TXNDC5: variants seen among roughly 807,000 people sequenced by gnomAD.
The protein encoded by TXNDC5 is thioredoxin domain containing 5.
In TXNDC5, 44 loss-of-function variants were observed where a neutral mutation model predicts 52.6. The observed-to-expected ratio is 0.84, with a 90% CI of 0.66 to 1.08. The LOEUF (loss-of-function observed/expected upper bound fraction) is 1.08. Among genes scored for constraint, TXNDC5 ranks in the 50% least tolerant of loss-of-function variants. The probability of loss-of-function intolerance (pLI) is 0.00; values close to 1 mark genes in which losing one functional copy is unlikely to be tolerated. For missense variants in TXNDC5, 600 were observed against 565.5 expected (o/e 1.06, Z -0.62); for synonymous variants, 241 against 234.4 (o/e 1.03, Z -0.26).
rs1394793156 is a variant in TXNDC5 at position 7,884,405 on chromosome 6, G to A, written c.1130C>T (p.Ala377Val). ...CCGTTCAGCAGTGCAGTCTACTTCG[G>A]CGATCTTGACCCCCGCCAGACCAGG... ...EFPGLAGVKIAEVDCTAERNI... is the reference protein window; with the variant it reads ...EFPGLAGVKIVEVDCTAERNI... Residue 377 changes from alanine (A) to valine (V), a missense_variant, in exon 9 of 10, where the codon GCC (alanine) becomes GTC (valine). Transcript: ENST00000379757. 22 of 1,613,978 alleles carry A rather than the reference G, an allele frequency of 1.4e-5. No homozygotes were observed. Among genetic ancestry groups the A allele is most frequent in the Non-Finnish European group, 1.9e-5 (22 of 1,180,014 alleles).
In TXNDC5 at chr6:7,881,526, AAAAG is replaced by A. The variant is rs916043781; in HGVS notation, c.*1614_*1617del. The A allele has an allele frequency of 8.5e-5, 13 of 152,418 alleles. No homozygotes were observed. Among genetic ancestry groups the A allele is most frequent in the African/African-American group, 1.4e-4 (6 of 41,458 alleles). 9.4% of individuals were successfully genotyped at this position (152,418 alleles called of 1,614,324 possible). A position where few individuals can be genotyped will look rare whatever the true frequency, so the allele number is the denominator to read the frequency against. ...GAAGGAAAGACCAGACTTTTAAAAAAAAAGAGTTTATTTAGAAAGTATCATAGTG... is the reference window on the plus strand; with the variant it reads ...GAAGGAAAGACCAGACTTTTAAAAAAAGTTTATTTAGAAAGTATCATAGTG... On this transcript the variant is annotated 3_prime_UTR_variant, in exon 10 of 10. Transcript: ENST00000379757.
chr6:7,886,393 A>G (rs940013252), intron 7 of TXNDC5, among the ~76,000 whole-genome samples: 1 of 152,108 alleles, frequency 6.6e-6, no homozygotes, highest in Non-Finnish European at 1.5e-5. Context: ...TGGACCAGGC[A>G]GCCCTGGGTG....
chr6:7,896,596 T>A (rs1760376381), intron 3 of TXNDC5, among the ~76,000 whole-genome samples: 1 of 152,250 alleles, frequency 6.6e-6, no homozygotes, highest in African/African-American at 2.4e-5. Flanking sequence ...GTTTCCCTTC[T>A]GCTGCCAGCG....
In TXNDC5 at chr6:7,889,540, C is replaced by G. The variant is rs1267223806; in HGVS notation, c.774G>C (p.Gln258His). 6.2e-7 allele frequency: 1 copy of G among 1,613,580 alleles called. No homozygotes were observed. The highest frequency in any genetic ancestry group is 2.2e-5 in the East Asian group (1 of 44,874). ...TQHYELCSGN[Q>H]VRGYPTLLWF... ...AGAGAAGAGTGGGATAGCCACGAAC[C>G]TGGTTTCCGGAGCAGAGTTCATAGT... is the stretch of plus-strand genomic sequence containing the variant. The change falls in exon 6 of 10, where the codon CAG becomes CAC. Residue 258 changes from glutamine to histidine, a missense_variant. Transcript: ENST00000379757.
At chr6:7,896,084 T>C (rs898155061) in intron 3 of TXNDC5, among the ~76,000 whole-genome samples, 1 of 152,120 alleles carries the variant, frequency 6.6e-6, no homozygotes, top group African/African-American at 2.4e-5. Context: ...ATCCTTACTT[T>C]ACACAAATGA....
intron 7 of TXNDC5, 32 bp from the exon 8 acceptor site, chr6:7,886,075 A>T (rs373718362): frequency 6.3e-7 from 1 of 1,597,704 alleles, no homozygotes; most frequent in Non-Finnish European, 8.6e-7. Context: ...CAGTTCAAGT[A>T]CATCCCTTAA....
chr6:7,883,008 C>T lies in TXNDC5; in HGVS notation c.*136G>A, dbSNP rs1174578246. 3 of 1,195,462 alleles carry T rather than the reference C, an allele frequency of 2.5e-6. No individual in the cohort carries two copies. The highest frequency in any genetic ancestry group is 3.1e-5 in the African/African-American group (2 of 65,058). 74.1% of individuals were successfully genotyped at this position (1,195,462 alleles called of 1,614,324 possible). A position where few individuals can be genotyped will look rare whatever the true frequency, so the allele number is the denominator to read the frequency against. On this transcript the variant is annotated 3_prime_UTR_variant, in exon 10 of 10. Transcript: ENST00000379757. The stretch of plus-strand genomic sequence containing the variant: ...TGTGTTGGCTTGGAAAACACACACA[C>T]AAAGAAGATACCTCACGCTTAGTAT...
At chr6:7,891,077 A>G (rs931087534) in intron 5 of TXNDC5, among the ~76,000 whole-genome samples, 1 of 152,364 alleles carries the variant, frequency 6.6e-6, no homozygotes. Flanking sequence ...GTAGAAGAAT[A>G]AAAGTGATGT....
intron 1 of TXNDC5, among the ~76,000 whole-genome samples, chr6:7,905,841 A>G (rs1433885053): frequency 2.0e-5 from 3 of 152,208 alleles, no homozygotes; most frequent in African/African-American, 7.2e-5. Context: ...TTTTTTAAAC[A>G]CACTTGCTTA....
intron 4 of TXNDC5, chr6:7,894,791 ATAAAG>A (rs1490293380): frequency 9.1e-6 from 9 of 985,468 alleles, no homozygotes; most frequent in South Asian, 9.4e-5. Context: ...CCAAAGTGCA[ATAAAG>A]TAAAGAGCAA....
chr6:7,897,404 A>G (rs1760410294), intron 3 of TXNDC5, among the ~76,000 whole-genome samples: 1 of 152,198 alleles, frequency 6.6e-6, no homozygotes, highest in African/African-American at 2.4e-5. Flanking sequence ...CAGATAAAGA[A>G]CTTTTTTTAA....
intron 2 of TXNDC5, among the ~76,000 whole-genome samples, chr6:7,902,620 T>C (rs1167603830): frequency 1.3e-5 from 2 of 151,544 alleles, no homozygotes; most frequent in East Asian, 1.9e-4. Flanking sequence ...TGCGACCACA[T>C]TGCACACAGC....
intron 2 of TXNDC5, among the ~76,000 whole-genome samples, chr6:7,902,516 C>A (rs1044762961): frequency 5.3e-5 from 8 of 152,158 alleles, no homozygotes; most frequent in African/African-American, 1.9e-4. Flanking sequence ...CAGGTACAGT[C>A]GTCACCTGCC....
At chr6:7,909,931 A>T in intron 1 of TXNDC5, 3 of 985,960 alleles carry the variant, frequency 3.0e-6, no homozygotes, top group Non-Finnish European at 3.6e-6. Flanking sequence ...CACGTGGCCC[A>T]CGGGCAGGCC....
At chr6:7,886,555 C>A (rs1759990358) in intron 7 of TXNDC5, among the ~76,000 whole-genome samples, 1 of 152,170 alleles carries the variant, frequency 6.6e-6, no homozygotes, top group Non-Finnish European at 1.5e-5. Context: ...GTTACAATAG[C>A]AAAGGCAATG....
rs989927193 is a variant in TXNDC5 at position 7,905,827 on chromosome 6, C to CT, written c.264-1105dup. ...CTTTGCTGTATCGCTTTTTAAAATGCTTTTTTTTTAAACACACTTGCTTAT... is the reference window on the plus strand; with the variant it reads ...CTTTGCTGTATCGCTTTTTAAAATGCTTTTTTTTTTAAACACACTTGCTTAT... On this transcript the variant is annotated intron_variant, in intron 1 of 9. Coordinates refer to ENST00000379757, the MANE Select transcript of TXNDC5 (RefSeq NM_030810.5). Among the ~76,000 whole-genome samples, 275 of 151,724 alleles carry CT rather than the reference C, an allele frequency of 1.8e-3. 1 individual carries two copies. The highest frequency in any genetic ancestry group is 6.8e-3 in the Middle Eastern group (2 of 292).
intron 2 of TXNDC5, chr6:7,900,392 G>A (rs1760523309): frequency 6.6e-6 from 1 of 152,120 alleles, no homozygotes; most frequent in African/African-American, 2.4e-5. Flanking sequence ...TAATACTCTA[G>A]ATAAAAATTC....
At chr6:7,907,776 G>A (rs766737636) in intron 1 of TXNDC5, among the ~76,000 whole-genome samples, 24 of 152,122 alleles carry the variant, frequency 1.6e-4, no homozygotes, top group Non-Finnish European at 3.2e-4. Context: ...ACTTACCAAA[G>A]TGTTGTGCCA....
At chr6:7,908,143 C>T (rs931607153) in intron 1 of TXNDC5, among the ~76,000 whole-genome samples, 46 of 152,022 alleles carry the variant, frequency 3.0e-4, no homozygotes, top group African/African-American at 9.9e-4. Flanking sequence ...ATTAGCTGGG[C>T]GTGGTGGCAC....
Sources: allele counts gnomAD v4.1 joint callset (sites outside exome capture counted in the v4.1 genomes callset), GRCh38; gene constraint gnomAD v4.1.1; transcripts MANE v1.5; gene names NCBI Gene and HGNC (gene_info 2026-07-23, HGNC 2026-07-21).